The following TNFRSF8 variants were observed in gnomAD, a reference collection of about 807,000 sequenced individuals.
TNFRSF8 encodes the protein TNF receptor superfamily member 8.
A neutral mutation model predicts 70.8 loss-of-function variants in TNFRSF8; 26 were observed. The ratio of observed to expected loss-of-function variants is 0.37; its 90% CI spans 0.27 to 0.51. The LOEUF (loss-of-function observed/expected upper bound fraction) is 0.51, where lower values mean the gene tolerates loss of function less well. Among genes scored for constraint, TNFRSF8 ranks in the 20% least tolerant of loss-of-function variants. The pLI is 0.94. For missense variants in TNFRSF8, 720 were observed against 807.9 expected (o/e 0.89, Z 1.32); for synonymous variants, 356 against 339.2 (o/e 1.05, Z -0.54).
intron 1 of TNFRSF8, among the ~76,000 whole-genome samples, chr1:12,080,846 C>T (rs1641051898): frequency 1.3e-5 from 2 of 152,210 alleles, no homozygotes; most frequent in African/African-American, 4.8e-5. Context: ...AGGCGTGAGC[C>T]ACCGTGCCCG....
At chr1:12,137,643 G>A (rs1204123046) in intron 13 of TNFRSF8, among the ~76,000 whole-genome samples, 2 of 150,390 alleles carry the variant, frequency 1.3e-5, no homozygotes, top group Admixed American at 6.6e-5. Flanking sequence ...AGAGGTCACC[G>A]GGCTTGTCAC....
chr1:12,133,140 C>T (rs951067342), intron 12 of TNFRSF8, among the ~76,000 whole-genome samples: 1 of 152,098 alleles, frequency 6.6e-6, no homozygotes, highest in East Asian at 1.9e-4. Context: ...GGGTTATTTC[C>T]TGAGGGTGTG....
At chr1:12,101,926 C>T (rs560276654) in intron 3 of TNFRSF8, among the ~76,000 whole-genome samples, 4 of 152,260 alleles carry the variant, frequency 2.6e-5, no homozygotes, top group Admixed American at 6.5e-5. Flanking sequence ...CCGCCCTCCT[C>T]GGCCTCCCAA....
In TNFRSF8 at chr1:12,110,957, T is replaced by A. The variant is rs1641619689; in HGVS notation, c.676+753T>A. Among the ~76,000 whole-genome samples, 1 of 152,228 alleles carries A rather than the reference T, an allele frequency of 6.6e-6. No homozygotes were observed. The highest frequency in any genetic ancestry group is 2.1e-4 in the South Asian group (1 of 4,832). Reference sequence around the variant, plus strand: ...TGGCGTAGATATGCCGAGCTCTGTTTATCCAGTTTTTGAATATTTGGGTTG... The same window carrying A: ...TGGCGTAGATATGCCGAGCTCTGTTAATCCAGTTTTTGAATATTTGGGTTG... On this transcript the variant is annotated intron_variant, in intron 6 of 14. Coordinates refer to ENST00000263932, the MANE Select transcript of TNFRSF8 (RefSeq NM_001243.5). This position sits in a 1 kb window ranked among gnomAD's most constrained non-coding sequence, Gnocchi z 4.0.
Position 12,104,407 on chromosome 1 carries a change from A to G in TNFRSF8, c.297A>G (p.Ala99=). 1 of 1,614,030 alleles carries G rather than the reference A, an allele frequency of 6.2e-7. No individual in the cohort carries two copies. The highest frequency in any genetic ancestry group is 8.5e-7 in the Non-Finnish European group (1 of 1,180,002). The change falls in exon 4 of 15, where the codon GCA becomes GCG. Residue 99 remains alanine (A), a synonymous_variant. Coordinates refer to ENST00000263932, the MANE Select transcript of TNFRSF8 (RefSeq NM_001243.5). ...RDDLVEKTPC[A]WNSSRVCECR... ...ACCTCGTGGAGAAGACGCCGTGTGC[A>G]TGGAACTCCTCCCGTGTCTGCGAAT...
rs79178948 is a variant in TNFRSF8, at chr1:12,078,761, C to T, written c.64-5703C>T. On this transcript the variant is annotated intron_variant, in intron 1 of 14. Transcript: ENST00000263932. ...GTCCTTACGTCTCAGTCTCCCCCATCTGTAAAATGGGCTGACAGTTGTTGG... is the reference window on the plus strand; with the variant it reads ...GTCCTTACGTCTCAGTCTCCCCCATTTGTAAAATGGGCTGACAGTTGTTGG... 3.7e-3 allele frequency among the ~76,000 whole-genome samples: 570 copies of T among 152,348 alleles called. 4 individuals are homozygous for T. The highest frequency in any genetic ancestry group is 0.011 in the African/African-American group (447 of 41,592).
At chr1:12,123,411 C>G in intron 9 of TNFRSF8, 34 bp downstream of exon 9, 1 of 1,565,588 alleles carries the variant, frequency 6.4e-7, no homozygotes, top group Middle Eastern at 1.7e-4. Context: ...TGTTTGGCTG[C>G]TGCAGGAGGG....
intron 12 of TNFRSF8, among the ~76,000 whole-genome samples, chr1:12,133,630 C>T (rs1266385644): frequency 1.3e-5 from 2 of 151,048 alleles, no homozygotes; most frequent in Non-Finnish European, 2.9e-5. Context: ...ATCCCAGCTA[C>T]TCGGGAGGCT....
At chr1:12,080,247 C>G (rs1641040786) in intron 1 of TNFRSF8, 1 of 519,958 alleles carries the variant, frequency 1.9e-6, no homozygotes, top group African/African-American at 1.9e-5. Flanking sequence ...CCGTGCCCAG[C>G]CAAGATGATC....
intron 3 of TNFRSF8, among the ~76,000 whole-genome samples, chr1:12,099,674 A>G (rs938441015): frequency 5.3e-5 from 8 of 151,560 alleles, no homozygotes; most frequent in African/African-American, 1.9e-4. Flanking sequence ...TCATTAGGCA[A>G]TTTTGTCGTT....
Position 12,138,583 on chromosome 1 carries a change from G to A in TNFRSF8, c.1543+147G>A, listed in dbSNP as rs1465573417. On this transcript the variant is annotated intron_variant, in intron 14 of 14. Coordinates refer to ENST00000263932, the MANE Select transcript of TNFRSF8 (RefSeq NM_001243.5). The surrounding 1 kb of genome is among the most constrained non-coding windows in gnomAD (Gnocchi z 5.7). ...GCATAGATTCTTCACCCCAATTGAA[G>A]TTTCTGTAAGTAGGGACAGCGAGGG... 2 of 806,720 alleles carry A rather than the reference G, an allele frequency of 2.5e-6. No individual in the cohort carries two copies. Among genetic ancestry groups the A allele is most frequent in the Non-Finnish European group, 3.9e-6 (2 of 518,184 alleles). The allele number at this position is 806,720 out of a possible 1,614,324, so 50.0% of individuals were successfully genotyped here.
chr1:12,109,651 C>T lies in TNFRSF8; in HGVS notation c.507C>T (p.Pro169=). The change falls in exon 5 of 15, where the codon CCC becomes CCT. Residue 169 remains proline (P), a synonymous_variant. Transcript: ENST00000263932. The surrounding 1 kb of genome is among the most constrained non-coding windows in gnomAD (Gnocchi z 4.4). The stretch of plus-strand genomic sequence containing the variant: ...CCAGCCCAGAGAACTGCAAGGAACC[C>T]TCCAGGTGACTCCCTGGCTTTGCCT... ...ACASPENCKE[P]SSGTIPQAKP... 6.2e-7 allele frequency: 1 copy of T among 1,613,286 alleles called. No homozygotes were observed. The highest frequency in any genetic ancestry group is 8.5e-7 in the Non-Finnish European group (1 of 1,179,646).
At chr1:12,090,307 C>T (rs1439508811) in intron 2 of TNFRSF8, among the ~76,000 whole-genome samples, 2 of 150,878 alleles carry the variant, frequency 1.3e-5, no homozygotes, top group Non-Finnish European at 2.9e-5. Flanking sequence ...CATCTATCCA[C>T]CCATCCACCT....
At chr1:12,089,484 T>C (rs2100975322) in intron 2 of TNFRSF8, among the ~76,000 whole-genome samples, 1 of 152,282 alleles carries the variant, frequency 6.6e-6, no homozygotes, top group Non-Finnish European at 1.5e-5. Context: ...TCCTAGTCTT[T>C]TCTTTAAGCC....
chr1:12,115,671 C>T lies in TNFRSF8; in HGVS notation c.888C>T (p.Ser296=). 6.2e-7 allele frequency: 1 copy of T among 1,614,212 alleles called. No homozygotes were observed. The highest frequency in any genetic ancestry group is 8.5e-7 in the Non-Finnish European group (1 of 1,180,036). The change falls in exon 8 of 15, where the codon TCC becomes TCT. Residue 296 remains serine (S), a synonymous_variant. Coordinates refer to ENST00000263932, the MANE Select transcript of TNFRSF8 (RefSeq NM_001243.5). ...GMICATSATN[S]CARCVPYPIC... ...TCTGTGCCACATCAGCCACCAACTC[C>T]TGTGCCCGCTGTGTCCCCTACCCAA...
At chr1:12,124,877 A>C (rs1266016487) in intron 10 of TNFRSF8, among the ~76,000 whole-genome samples, 1 of 134,464 alleles carries the variant, frequency 7.4e-6, no homozygotes, top group East Asian at 2.8e-4. Context: ...ACAAAACAAA[A>C]CAAACAAAAC....
intron 1 of TNFRSF8, among the ~76,000 whole-genome samples, chr1:12,084,013 T>C (rs1641109580): frequency 6.6e-6 from 1 of 152,176 alleles, no homozygotes; most frequent in African/African-American, 2.4e-5. Flanking sequence ...GGTGCGTTCA[T>C]CTTGTAAAAA....
In TNFRSF8 at chr1:12,109,967, C is replaced by G; in HGVS notation, c.513-74C>G. 1 of 1,538,130 alleles carries G rather than the reference C, an allele frequency of 6.5e-7. No individual in the cohort carries two copies. Among genetic ancestry groups the G allele is most frequent in the Admixed American group, 1.9e-5 (1 of 53,714 alleles). ...GCCTGGGACCCCATCTCTGTGGAAA[C>G]TGTTACTCGTGAGCACAGGCCTCCC... On this transcript the variant is annotated intron_variant, in intron 5 of 14. Coordinates refer to ENST00000263932, the MANE Select transcript of TNFRSF8 (RefSeq NM_001243.5). This position sits in a 1 kb window ranked among gnomAD's most constrained non-coding sequence, Gnocchi z 4.4.
chr1:12,115,974 G>A (rs11569895), intron 8 of TNFRSF8, among the ~76,000 whole-genome samples: 2,108 of 152,144 alleles, frequency 0.014, 19 homozygotes, highest in Middle Eastern at 0.048. Flanking sequence ...TGAAATTATT[G>A]GGCTGGTAAA....
Sources: gnomAD v4.1 joint callset for allele counts (sites outside exome capture counted in the v4.1 genomes callset) on GRCh38, gnomAD v4.1.1 for gene constraint, Gnocchi (gnomAD v3.1) non-coding constraint, MANE v1.5 for transcripts, NCBI Gene and HGNC (gene_info 2026-07-23, HGNC 2026-07-21) for gene names.